Variants in WWOX observed in about 807,000 individuals in gnomAD.
WWOX encodes WW domain containing oxidoreductase.
In WWOX, 69 loss-of-function variants were observed where a neutral mutation model predicts 46.2. The observed-to-expected ratio is 1.49, with a 90% CI of 1.23 to 1.82. WWOX has a LOEUF of 1.82. Ranked by LOEUF, WWOX falls within the 40% of genes most tolerant of loss-of-function variation. The pLI is 0.00. For synonymous variants in WWOX, 359 were observed against 202.6 expected, an observed-to-expected ratio of 1.77 and a Z score of -6.56; for missense variants, 919 against 542.6, an observed-to-expected ratio of 1.69 and a Z score of -6.89.
chr16:78,665,850 A>G (rs565022038), intron 8 of WWOX, among the ~76,000 whole-genome samples: 1 of 152,064 alleles, frequency 6.6e-6, no homozygotes, highest in Non-Finnish European at 1.5e-5. Flanking sequence ...ATGCCCGGCT[A>G]ATTTTTGTAT....
At chr16:78,999,551 G>A (rs753169367) in intron 8 of WWOX, among the ~76,000 whole-genome samples, 2 of 152,182 alleles carry the variant, frequency 1.3e-5, no homozygotes, top group Non-Finnish European at 1.5e-5. Flanking sequence ...AGACATCAGC[G>A]ATTCAGAGTC....
At chr16:79,069,033 A>C (rs2048498297) in intron 8 of WWOX, among the ~76,000 whole-genome samples, 1 of 152,080 alleles carries the variant, frequency 6.6e-6, no homozygotes, top group Admixed American at 6.6e-5. Context: ...TAAGTTTCCG[A>C]CTTGACTTGG....
At chr16:78,829,041 C>A (rs191261617) in intron 8 of WWOX, among the ~76,000 whole-genome samples, 2 of 152,088 alleles carry the variant, frequency 1.3e-5, no homozygotes, top group African/African-American at 4.8e-5. Flanking sequence ...ATCATAAATT[C>A]TAAACATCAT....
intron 5 of WWOX, among the ~76,000 whole-genome samples, chr16:78,378,556 C>T (rs1670796145): frequency 6.6e-6 from 1 of 152,154 alleles, no homozygotes; most frequent in Admixed American, 6.6e-5. Context: ...ATTATTAAAC[C>T]AGTTGAGTTA....
chr16:78,412,909 T>G (rs567202126), intron 6 of WWOX, among the ~76,000 whole-genome samples: 1 of 152,314 alleles, frequency 6.6e-6, no homozygotes, highest in African/African-American at 2.4e-5. Context: ...AATGTCCTTT[T>G]TTCTCTTCCC....
chr16:78,208,815 A>G (rs1873372052), intron 5 of WWOX, among the ~76,000 whole-genome samples: 2 of 152,348 alleles, frequency 1.3e-5, no homozygotes, highest in Non-Finnish European at 2.9e-5. Context: ...ATACCAATTA[A>G]TGTTCTTATT....
At chr16:79,124,878 C>A (rs1166833876) in intron 8 of WWOX, among the ~76,000 whole-genome samples, 1 of 152,138 alleles carries the variant, frequency 6.6e-6, no homozygotes, top group Non-Finnish European at 1.5e-5. Flanking sequence ...GACATCTTGC[C>A]AGACCCTTAC....
At chr16:78,433,048 G>GT (rs2083261422) in intron 8 of WWOX, among the ~76,000 whole-genome samples, 1 of 152,012 alleles carries the variant, frequency 6.6e-6, no homozygotes, top group Non-Finnish European at 1.5e-5. Context: ...TTTTTTTGGG[G>GT]TTTTTTATTC....
At chr16:78,515,661 T>C (rs1183282766) in intron 8 of WWOX, among the ~76,000 whole-genome samples, 3 of 152,154 alleles carry the variant, frequency 2.0e-5, no homozygotes, top group Admixed American at 2.0e-4. Flanking sequence ...CTTGCCGGCC[T>C]CTCCTCGCAG....
intron 8 of WWOX, among the ~76,000 whole-genome samples, chr16:78,922,990 T>TTC (rs76963729): frequency 1.4e-5 from 2 of 142,170 alleles, no homozygotes; most frequent in African/African-American, 5.1e-5. Flanking sequence ...TTTTCTTTTT[T>TTC]TTTTTTTTGA....
chr16:78,722,197 C>G (rs999844105), intron 8 of WWOX, among the ~76,000 whole-genome samples: 1 of 152,142 alleles, frequency 6.6e-6, no homozygotes, highest in South Asian at 2.1e-4. Context: ...CACCAAGGCA[C>G]GATGACCGCA....
chr16:78,388,450 A>T (rs923148366), intron 6 of WWOX, among the ~76,000 whole-genome samples: 1 of 151,690 alleles, frequency 6.6e-6, no homozygotes, highest in Non-Finnish European at 1.5e-5. Flanking sequence ...GATCAAGACC[A>T]TCCTGGCCAA....
At chr16:79,059,903 T>C (rs2048329156) in intron 8 of WWOX, among the ~76,000 whole-genome samples, 1 of 152,214 alleles carries the variant, frequency 6.6e-6, no homozygotes, top group South Asian at 2.1e-4. Flanking sequence ...TTTATCAAGT[T>C]CAGATTCTTT....
chr16:78,256,234 C>A (rs1289929131), intron 5 of WWOX, among the ~76,000 whole-genome samples: 2 of 150,434 alleles, frequency 1.3e-5, no homozygotes, highest in Admixed American at 6.6e-5. Context: ...GACTTCCAGT[C>A]TTGTGTGGCC....
At chr16:78,132,371 A>G (rs577226451) in intron 4 of WWOX, among the ~76,000 whole-genome samples, 21 of 152,280 alleles carry the variant, frequency 1.4e-4, no homozygotes, top group South Asian at 1.0e-3. Flanking sequence ...CTTCTGAGTA[A>G]CTATAAAGAA....
rs115148041 is a variant in WWOX at position 78,213,842 on chromosome 16, C to G, written c.516+49553C>G. 6.5e-3 allele frequency among the ~76,000 whole-genome samples: 987 copies of G among 152,232 alleles called. 16 individuals carry two copies. Among genetic ancestry groups the G allele is most frequent in the African/African-American group, 0.023 (940 of 41,546 alleles). On this transcript the variant is annotated intron_variant, in intron 5 of 8. Transcript: ENST00000566780. Reference sequence around the variant, plus strand: ...CCAATTAGGCTAAGTGTATTCGGTGCCTGAGTGACAAGCCCTGGAGACCTG... The same window carrying G: ...CCAATTAGGCTAAGTGTATTCGGTGGCTGAGTGACAAGCCCTGGAGACCTG...
chr16:78,585,084 CA>C (rs2151593734), intron 8 of WWOX, among the ~76,000 whole-genome samples: 1 of 152,288 alleles, frequency 6.6e-6, no homozygotes, highest in African/African-American at 2.4e-5. Context: ...ATCTTTTACT[CA>C]AAACCTGAAC....
At chr16:78,546,509 C>T (rs981028659) in intron 8 of WWOX, among the ~76,000 whole-genome samples, 2 of 152,186 alleles carry the variant, frequency 1.3e-5, no homozygotes, top group African/African-American at 4.8e-5. Flanking sequence ...TTGCAATTAC[C>T]TTGCCCAAGA....
At chr16:78,911,352 A>G (rs1219731245) in intron 8 of WWOX, among the ~76,000 whole-genome samples, 2 of 151,938 alleles carry the variant, frequency 1.3e-5, no homozygotes, top group African/African-American at 4.8e-5. Flanking sequence ...TGTAAACTGT[A>G]CCCTCCTGCT....
Sources: gnomAD v4.1 joint callset for allele counts (sites outside exome capture counted in the v4.1 genomes callset) on GRCh38, gnomAD v4.1.1 for gene constraint, MANE v1.5 for transcripts, NCBI Gene and HGNC (gene_info 2026-07-23, HGNC 2026-07-21) for gene names.